Variants in CNTNAP2 observed in about 807,000 individuals in gnomAD.
CNTNAP2 encodes the protein contactin-associated protein-like 2.
CNTNAP2 carries 98 observed loss-of-function variants against 155.2 expected under a neutral mutation model. The observed-to-expected ratio is 0.63, with a 90% CI of 0.54 to 0.75. The LOEUF (loss-of-function observed/expected upper bound fraction) is 0.75, where lower values mean the gene tolerates loss of function less well. CNTNAP2 is among the 30% of genes least tolerant of loss of function. The pLI, the probability that CNTNAP2 is intolerant of heterozygous loss-of-function variation, is 0.00. For missense variants in CNTNAP2, 1,727 were observed against 1,688.1 expected, an observed-to-expected ratio of 1.02 and a Z score of -0.40; for synonymous variants, 651 against 631.2, an observed-to-expected ratio of 1.03 and a Z score of -0.47.
At chr7:147,463,958 T>TAA (rs34032978) in intron 10 of CNTNAP2, among the ~76,000 whole-genome samples, 34,135 of 82,642 alleles carry the variant, frequency 0.41, 7,477 homozygotes, top group South Asian at 0.5. Context: ...GCCCCACTAC[T>TAA]AAAAAAAAAA....
chr7:147,581,735 A>G (rs960661670), intron 12 of CNTNAP2, among the ~76,000 whole-genome samples: 24 of 152,310 alleles, frequency 1.6e-4, no homozygotes, highest in Admixed American at 9.8e-4. Flanking sequence ...AACAACATGT[A>G]CTCGGTTTAG....
At chr7:147,017,213 G>A (rs1181163411) in intron 3 of CNTNAP2, among the ~76,000 whole-genome samples, 2 of 151,104 alleles carry the variant, frequency 1.3e-5, no homozygotes, top group African/African-American at 4.9e-5. Context: ...CCTCCCAGTT[G>A]TCTTCCTTCC....
At chr7:148,208,182 G>A (rs1224210261) in intron 18 of CNTNAP2, among the ~76,000 whole-genome samples, 1 of 152,128 alleles carries the variant, frequency 6.6e-6, no homozygotes, top group Non-Finnish European at 1.5e-5. Context: ...AGAGAGAACA[G>A]ATGCAAAAGG....
intron 8 of CNTNAP2, among the ~76,000 whole-genome samples, chr7:147,186,062 A>T (rs1416759393): frequency 1.3e-5 from 2 of 152,196 alleles, no homozygotes; most frequent in Admixed American, 1.3e-4. Flanking sequence ...TATTAGCAGT[A>T]TGAGAACAGA....
At position 146,510,686 on chromosome 7, in the gene CNTNAP2, A is replaced by G. The variant is rs545844386; in HGVS notation, c.98-263585A>G. On this transcript the variant is annotated intron_variant, in intron 1 of 23. Transcript: ENST00000361727. ...TTTGTCAGTATAATTTTATTTGTAG[A>G]GATCCTTCACTTTTTTGTTTATATT... Among the ~76,000 whole-genome samples the G allele has an allele frequency of 4.6e-5, 7 of 151,746 alleles. No individual in the cohort carries two copies. The East Asian group carries it at 1.2e-3, about 25-fold the overall frequency.
intron 1 of CNTNAP2, among the ~76,000 whole-genome samples, chr7:146,270,196 C>T (rs902425350): frequency 2.6e-5 from 4 of 152,280 alleles, no homozygotes; most frequent in South Asian, 2.1e-4. Flanking sequence ...CTGCCTACAG[C>T]GTAAACTATA....
intron 1 of CNTNAP2, among the ~76,000 whole-genome samples, chr7:146,607,069 C>A (rs1460034877): frequency 6.6e-6 from 1 of 152,022 alleles, no homozygotes; most frequent in Non-Finnish European, 1.5e-5. Context: ...AAGGAGGAGA[C>A]CAAGGCATAT....
Position 147,746,002 on chromosome 7 carries a change from C to A in CNTNAP2, c.2098+106696C>A, listed in dbSNP as rs1375058476. Among the ~76,000 whole-genome samples, 3 of 152,028 alleles carry A rather than the reference C, an allele frequency of 2.0e-5. No individual in the cohort carries two copies. In the South Asian group the frequency reaches 6.2e-4, roughly 32 times the overall value. On this transcript the variant is annotated intron_variant, in intron 13 of 23. Coordinates refer to ENST00000361727, the MANE Select transcript of CNTNAP2 (RefSeq NM_014141.6). Reference sequence around the variant, plus strand: ...GTATAATTGTTTAACACAAGGAAAACCACAATAAAGAAATCATGCCCATTC... The same window carrying A: ...GTATAATTGTTTAACACAAGGAAAAACACAATAAAGAAATCATGCCCATTC...
chr7:146,414,912 G>T (rs999129122), intron 1 of CNTNAP2, among the ~76,000 whole-genome samples: 1 of 152,088 alleles, frequency 6.6e-6, no homozygotes, highest in Admixed American at 6.6e-5. Flanking sequence ...AATAAAATAA[G>T]TACAGTCTCT....
chr7:146,601,160 T>C (rs1282291061), intron 1 of CNTNAP2, among the ~76,000 whole-genome samples: 1 of 152,136 alleles, frequency 6.6e-6, no homozygotes, highest in Non-Finnish European at 1.5e-5. Context: ...GTGACTAGAA[T>C]ATTGTTTGGC....
At chr7:146,494,354 A>AAAAT (rs1381628481) in intron 1 of CNTNAP2, among the ~76,000 whole-genome samples, 15 of 148,702 alleles carry the variant, frequency 1.0e-4, no homozygotes, top group East Asian at 2.0e-4. Flanking sequence ...TAAATAAATA[A>AAAAT]AAATAAATAA....
chr7:147,243,782 A>C (rs904840391), intron 8 of CNTNAP2, among the ~76,000 whole-genome samples: 1 of 152,158 alleles, frequency 6.6e-6, no homozygotes, highest in Admixed American at 6.5e-5. Flanking sequence ...ATCATTTTGC[A>C]AAATATTAAA....
At chr7:146,442,265 A>C (rs1241106438) in intron 1 of CNTNAP2, among the ~76,000 whole-genome samples, 1 of 151,560 alleles carries the variant, frequency 6.6e-6, no homozygotes, top group Non-Finnish European at 1.5e-5. Flanking sequence ...TGCCCATCTA[A>C]TTTTTGTTCC....
chr7:147,986,503 C>T (rs1054227512), intron 15 of CNTNAP2, among the ~76,000 whole-genome samples: 3 of 152,176 alleles, frequency 2.0e-5, no homozygotes, highest in Non-Finnish European at 4.4e-5. Context: ...GTGGAAGCGT[C>T]TTAGAGATCA....
intron 1 of CNTNAP2, among the ~76,000 whole-genome samples, chr7:146,503,516 AT>A (rs1797337358): frequency 6.6e-6 from 1 of 152,208 alleles, no homozygotes; most frequent in South Asian, 2.1e-4. Flanking sequence ...GTCCTGAAAC[AT>A]TTATTCAGTG....
intron 15 of CNTNAP2, among the ~76,000 whole-genome samples, chr7:148,009,725 A>G (rs993414684): frequency 2.6e-4 from 39 of 151,104 alleles, no homozygotes; most frequent in African/African-American, 9.3e-4. Flanking sequence ...TGAACTTGCT[A>G]TTTACATTCA....
intron 1 of CNTNAP2, among the ~76,000 whole-genome samples, chr7:146,622,131 ATATATATATATACACACACG>A (rs1156766734): frequency 0.059 from 1,384 of 23,358 alleles, 14 homozygotes; most frequent in African/African-American, 0.35. Flanking sequence ...ATGTATGTGT[ATATATATATATACACACACG>A]TATATATATA....
chr7:147,742,316 T>C (rs1332420829), intron 13 of CNTNAP2, among the ~76,000 whole-genome samples: 1 of 152,210 alleles, frequency 6.6e-6, no homozygotes, highest in African/African-American at 2.4e-5. Context: ...AATGCATGAA[T>C]TGGCCTACAA....
At chr7:146,645,651 T>G (rs1295520378) in intron 1 of CNTNAP2, among the ~76,000 whole-genome samples, 1 of 152,178 alleles carries the variant, frequency 6.6e-6, no homozygotes, top group African/African-American at 2.4e-5. Context: ...GAGATATATT[T>G]ATTCACATAC....
Sources: allele counts gnomAD v4.1 joint callset (sites outside exome capture counted in the v4.1 genomes callset), GRCh38; gene constraint gnomAD v4.1.1; transcripts MANE v1.5; gene names NCBI Gene and HGNC (gene_info 2026-07-23, HGNC 2026-07-21).